AGBL4: variants seen among roughly 807,000 people sequenced by gnomAD.
AGBL4 encodes the protein cytosolic carboxypeptidase 6.
In AGBL4, 58 loss-of-function variants were observed where a neutral mutation model predicts 66.4. The observed-to-expected ratio is 0.87, with a 90% CI of 0.71 to 1.09. The LOEUF (loss-of-function observed/expected upper bound fraction) is 1.09, where lower values mean the gene tolerates loss of function less well. Among genes scored for constraint, AGBL4 ranks in the 50% least tolerant of loss-of-function variants. The pLI, the probability that AGBL4 is intolerant of heterozygous loss-of-function variation, is 0.00. For synonymous variants in AGBL4, 234 were observed against 222.9 expected, an observed-to-expected ratio of 1.05 and a Z score of -0.44; for missense variants, 579 against 631.0, an observed-to-expected ratio of 0.92 and a Z score of 0.88.
At chr1:49,906,291 T>TATGCATGCAAA (rs1650267521) in intron 1 of AGBL4, among the ~76,000 whole-genome samples, 1 of 152,108 alleles carries the variant, frequency 6.6e-6, no homozygotes, top group African/African-American at 2.4e-5. Flanking sequence ...TGTAATCATT[T>TATGCATGCAAA]ATACATGCAA....
At chr1:49,500,853 A>T (rs1648084723) in intron 3 of AGBL4, among the ~76,000 whole-genome samples, 1 of 88,604 alleles carries the variant, frequency 1.1e-5, no homozygotes, top group Non-Finnish European at 2.4e-5. Context: ...CTTCCTTTGG[A>T]AAAGCGGGCT....
At chr1:48,828,044 A>AC (rs1570766114) in intron 6 of AGBL4, among the ~76,000 whole-genome samples, 1 of 145,024 alleles carries the variant, frequency 6.9e-6, no homozygotes, top group Non-Finnish European at 1.5e-5. Context: ...ACACACACAC[A>AC]AATTAGCCGG....
intron 2 of AGBL4, among the ~76,000 whole-genome samples, chr1:49,801,795 A>AT (rs1278850476): frequency 2.0e-5 from 3 of 152,206 alleles, no homozygotes; most frequent in Non-Finnish European, 4.4e-5. Flanking sequence ...CTTAAAAAGC[A>AT]TCATTTGAAA....
At chr1:49,010,788 C>T (rs1371799074) in intron 5 of AGBL4, among the ~76,000 whole-genome samples, 1 of 151,788 alleles carries the variant, frequency 6.6e-6, no homozygotes, top group African/African-American at 2.4e-5. Context: ...GAAAGGATTC[C>T]CTATTTAATA....
At chr1:48,971,203 T>C (rs1658873955) in intron 5 of AGBL4, among the ~76,000 whole-genome samples, 1 of 152,136 alleles carries the variant, frequency 6.6e-6, no homozygotes, top group Non-Finnish European at 1.5e-5. Context: ...TGAGAATTAC[T>C]GCTTGAGCTC....
At chr1:49,297,450 C>T (rs1173373893) in intron 3 of AGBL4, among the ~76,000 whole-genome samples, 1 of 152,138 alleles carries the variant, frequency 6.6e-6, no homozygotes, top group African/African-American at 2.4e-5. Context: ...TAGAATACGC[C>T]AGGGAAATTG....
intron 3 of AGBL4, among the ~76,000 whole-genome samples, chr1:49,605,703 A>C (rs923379603): frequency 1.3e-5 from 2 of 152,148 alleles, no homozygotes; most frequent in Non-Finnish European, 2.9e-5. Flanking sequence ...ATTTTTTAAA[A>C]GCAGTTTAAA....
intron 8 of AGBL4, among the ~76,000 whole-genome samples, chr1:48,650,232 G>A (rs1204017834): frequency 2.0e-5 from 3 of 152,162 alleles, no homozygotes; most frequent in Non-Finnish European, 4.4e-5. Context: ...ATCCCTGCCC[G>A]CTCCTCACAG....
At chr1:49,956,694 A>G (rs1199132853) in intron 1 of AGBL4, among the ~76,000 whole-genome samples, 2 of 152,106 alleles carry the variant, frequency 1.3e-5, no homozygotes, top group African/African-American at 2.4e-5. Context: ...GATAACACCA[A>G]TAGTCTTCAA....
intron 12 of AGBL4, among the ~76,000 whole-genome samples, chr1:48,537,485 G>T (rs925123012): frequency 1.3e-5 from 2 of 151,982 alleles, no homozygotes; most frequent in African/African-American, 2.4e-5. Flanking sequence ...CCATCTCCAC[G>T]AACTCTTCAC....
chr1:48,939,525 G>T (rs1571050366), intron 5 of AGBL4, among the ~76,000 whole-genome samples: 1 of 152,210 alleles, frequency 6.6e-6, no homozygotes, highest in Admixed American at 6.5e-5. Context: ...GCCTCCAGGA[G>T]GGGGAGGAAA....
intron 2 of AGBL4, among the ~76,000 whole-genome samples, chr1:49,760,940 T>C (rs997311108): frequency 5.9e-5 from 9 of 152,132 alleles, no homozygotes; most frequent in South Asian, 4.2e-4. Flanking sequence ...AAATATCACA[T>C]GTTTTCCCTC....
chr1:48,645,929 G>C (rs1645827687), intron 8 of AGBL4, among the ~76,000 whole-genome samples: 1 of 152,162 alleles, frequency 6.6e-6, no homozygotes, highest in Non-Finnish European at 1.5e-5. Flanking sequence ...GGGGATGTTT[G>C]GCCTGGAGCA....
At chr1:49,488,613 T>C (rs981632222) in intron 3 of AGBL4, among the ~76,000 whole-genome samples, 1 of 151,880 alleles carries the variant, frequency 6.6e-6, no homozygotes, top group South Asian at 2.1e-4. Flanking sequence ...ACTCATCCTG[T>C]AGTGCTATCA....
At chr1:49,783,196 A>G (rs1287889168) in intron 2 of AGBL4, among the ~76,000 whole-genome samples, 2 of 152,170 alleles carry the variant, frequency 1.3e-5, no homozygotes, top group Non-Finnish European at 2.9e-5. Context: ...GGTTAAGATA[A>G]AGAATGAATT....
intron 3 of AGBL4, among the ~76,000 whole-genome samples, chr1:49,599,801 T>C (rs566351645): frequency 4.9e-4 from 74 of 152,356 alleles, no homozygotes; most frequent in African/African-American, 1.3e-3. Context: ...CCAGAAATTC[T>C]GGTACACTGT....
intron 3 of AGBL4, among the ~76,000 whole-genome samples, chr1:49,383,210 C>T (rs902808727): frequency 2.3e-4 from 35 of 152,118 alleles, no homozygotes; most frequent in Admixed American, 2.3e-3. Flanking sequence ...CTGTACTACT[C>T]AAAGTGACCT....
chr1:49,559,408 G>C (rs1396263263), intron 3 of AGBL4, among the ~76,000 whole-genome samples: 2 of 152,122 alleles, frequency 1.3e-5, no homozygotes, highest in African/African-American at 4.8e-5. Context: ...TAAATTATGT[G>C]ATGGTTAATA....
intron 4 of AGBL4, among the ~76,000 whole-genome samples, chr1:49,203,638 T>G (rs1007177379): frequency 3.3e-5 from 5 of 152,116 alleles, no homozygotes; most frequent in Admixed American, 6.6e-5. Context: ...TGTTGTTTAA[T>G]GGTTTAAGAG....
Sources: gnomAD v4.1 joint callset for allele counts (sites outside exome capture counted in the v4.1 genomes callset) on GRCh38, gnomAD v4.1.1 for gene constraint, MANE v1.5 for transcripts, NCBI Gene and HGNC (gene_info 2026-07-23, HGNC 2026-07-21) for gene names.